PRKN: variants seen among roughly 807,000 people sequenced by gnomAD.
PRKN encodes the protein E3 ubiquitin-protein ligase parkin.
In PRKN, 56 loss-of-function variants were observed where a neutral mutation model predicts 59.5. The observed-to-expected ratio is 0.94, with a 90% confidence interval of 0.76 to 1.18. The LOEUF is 1.18. Among genes scored for constraint, PRKN ranks in the 50% most tolerant of loss-of-function variants. The probability of loss-of-function intolerance (pLI) is 0.00; values close to 1 mark genes in which losing one functional copy is unlikely to be tolerated. For synonymous variants in PRKN, 250 were observed against 222.1 expected, an observed-to-expected ratio of 1.13 and a Z score of -1.12; for missense variants, 657 against 596.4, an observed-to-expected ratio of 1.10 and a Z score of -1.06.
chr6:162,042,730 T>C (rs1258252338), intron 5 of PRKN, among the ~76,000 whole-genome samples: 1 of 152,226 alleles, frequency 6.6e-6, no homozygotes, highest in Non-Finnish European at 1.5e-5. Context: ...TTCTCTAAAG[T>C]GTCTTCATAT....
chr6:162,058,764 C>A (rs1777970069), intron 4 of PRKN, among the ~76,000 whole-genome samples: 1 of 151,890 alleles, frequency 6.6e-6, no homozygotes, highest in Non-Finnish European at 1.5e-5. Context: ...ACCACCCTGG[C>A]CAACATGGTG....
chr6:161,742,714 A>G (rs563980840), intron 7 of PRKN, among the ~76,000 whole-genome samples: 14 of 152,296 alleles, frequency 9.2e-5, no homozygotes, highest in African/African-American at 3.1e-4. Context: ...GTTTTTATGG[A>G]GCCTCTCTAA....
At chr6:161,949,947 A>G (rs1046838677) in intron 6 of PRKN, among the ~76,000 whole-genome samples, 2 of 152,210 alleles carry the variant, frequency 1.3e-5, no homozygotes, top group Admixed American at 6.5e-5. Context: ...ACTCTTTGCA[A>G]AGCATCTCCT....
intron 4 of PRKN, among the ~76,000 whole-genome samples, chr6:162,097,693 C>T (rs1369041793): frequency 6.6e-6 from 1 of 152,116 alleles, no homozygotes; most frequent in South Asian, 2.1e-4. Flanking sequence ...GCACACAGCC[C>T]CCAAAGCATC....
At chr6:161,757,006 A>C (rs1016137945) in intron 7 of PRKN, among the ~76,000 whole-genome samples, 10 of 152,218 alleles carry the variant, frequency 6.6e-5, no homozygotes, top group Non-Finnish European at 1.5e-4. Context: ...TACTCTCTTC[A>C]GTGGATGCTG....
intron 1 of PRKN, among the ~76,000 whole-genome samples, chr6:162,710,852 C>G (rs1179124937): frequency 6.6e-6 from 1 of 152,160 alleles, no homozygotes; most frequent in Non-Finnish European, 1.5e-5. Flanking sequence ...AGGTGAATCT[C>G]CCTAAAGAGG....
intron 1 of PRKN, among the ~76,000 whole-genome samples, chr6:162,486,467 C>T (rs1275285402): frequency 6.6e-6 from 1 of 152,134 alleles, no homozygotes. Context: ...GGGGCCATTC[C>T]AGTTGTCTCT....
rs183150885 is a variant in PRKN, at chr6:162,482,650, G to A, written c.8-39177C>T. Among the ~76,000 whole-genome samples, 11 of 152,172 alleles carry A rather than the reference G, an allele frequency of 7.2e-5. No homozygotes were observed. In the South Asian group the frequency reaches 1.0e-3, roughly 14 times the overall value. On this transcript the variant is annotated intron_variant, in intron 1 of 11. Coordinates refer to ENST00000366898, the MANE Select transcript of PRKN (RefSeq NM_004562.3). ...TTAAAGCCTTCATATTAAAAACAAC[G>A]AAAGAAAAATACATGAACCAAGTAT...
At chr6:162,063,411 G>T (rs972783950) in intron 4 of PRKN, among the ~76,000 whole-genome samples, 1 of 152,078 alleles carries the variant, frequency 6.6e-6, no homozygotes, top group Non-Finnish European at 1.5e-5. Flanking sequence ...AAAATCACAA[G>T]ATACAATTTC....
chr6:162,514,886 A>G (rs1339390163), intron 1 of PRKN, among the ~76,000 whole-genome samples: 1 of 152,228 alleles, frequency 6.6e-6, no homozygotes, highest in Non-Finnish European at 1.5e-5. Context: ...TTCATGTAGT[A>G]TAAGTGGTTA....
rs902905855 is a variant in PRKN at position 161,588,156 on chromosome 6, C to T, written c.872-18740G>A. Among the ~76,000 whole-genome samples the T allele has an allele frequency of 4.6e-5, 7 of 152,008 alleles. No individual in the cohort carries two copies. Among genetic ancestry groups the T allele is most frequent in the African/African-American group, 1.2e-4 (5 of 41,384 alleles). On this transcript the variant is annotated intron_variant, in intron 7 of 11. Coordinates refer to ENST00000366898, the MANE Select transcript of PRKN (RefSeq NM_004562.3). This position sits in a 1 kb window ranked among gnomAD's most constrained non-coding sequence, Gnocchi z 5.0. Reference sequence around the variant, plus strand: ...ATCCCAGCACTTTGGGAGGCCGAGTCGGGTGGATCACAAGGTCAGGAGTTC... The same window carrying T: ...ATCCCAGCACTTTGGGAGGCCGAGTTGGGTGGATCACAAGGTCAGGAGTTC...
intron 4 of PRKN, among the ~76,000 whole-genome samples, chr6:162,089,510 C>T (rs1179403767): frequency 3.3e-5 from 5 of 152,102 alleles, no homozygotes; most frequent in African/African-American, 9.7e-5. Context: ...AATAGTGTTA[C>T]CATATCTCCA....
chr6:162,105,889 A>T (rs1780173230), intron 4 of PRKN, among the ~76,000 whole-genome samples: 1 of 152,236 alleles, frequency 6.6e-6, no homozygotes, highest in Admixed American at 6.5e-5. Flanking sequence ...TTGGAACATT[A>T]TTAATGATTA....
intron 1 of PRKN, among the ~76,000 whole-genome samples, chr6:162,678,782 G>A (rs550718022): frequency 1.3e-5 from 2 of 152,030 alleles, no homozygotes; most frequent in Non-Finnish European, 2.9e-5. Context: ...TTTTTTACTC[G>A]TTTGTTTTTT....
At chr6:162,020,589 C>CAAAAAAGT (rs1293498888) in intron 5 of PRKN, among the ~76,000 whole-genome samples, 1 of 151,866 alleles carries the variant, frequency 6.6e-6, no homozygotes, top group African/African-American at 2.4e-5. Flanking sequence ...TGTAGGTAAA[C>CAAAAAAGT]AAAAAAGTTC....
chr6:161,988,954 T>TA (rs1164196095), intron 5 of PRKN, among the ~76,000 whole-genome samples: 1 of 152,258 alleles, frequency 6.6e-6, no homozygotes, highest in Non-Finnish European at 1.5e-5. Flanking sequence ...ATCTTTTTTT[T>TA]ATACTTTAAG....
intron 1 of PRKN, among the ~76,000 whole-genome samples, chr6:162,720,544 G>A (rs1778904046): frequency 1.4e-5 from 2 of 143,656 alleles, no homozygotes; most frequent in South Asian, 2.2e-4. Context: ...TCCGCTTCCC[G>A]GGTTCACGCC....
At chr6:162,083,552 G>GTACTCTTTGTA (rs1779143584) in intron 4 of PRKN, among the ~76,000 whole-genome samples, 1 of 151,982 alleles carries the variant, frequency 6.6e-6, no homozygotes, top group Non-Finnish European at 1.5e-5. Context: ...CATGAATAAT[G>GTACTCTTTGTA]CTTTTTATTG....
At chr6:161,919,181 A>C (rs1291882510) in intron 6 of PRKN, among the ~76,000 whole-genome samples, 1 of 152,216 alleles carries the variant, frequency 6.6e-6, no homozygotes, top group African/African-American at 2.4e-5. Flanking sequence ...AGTTTTGCTC[A>C]TCAAGAAGAG....
Sources: allele counts gnomAD v4.1 joint callset (sites outside exome capture counted in the v4.1 genomes callset), GRCh38; gene constraint gnomAD v4.1.1; non-coding constraint Gnocchi (gnomAD v3.1); transcripts MANE v1.5; gene names NCBI Gene and HGNC (gene_info 2026-07-23, HGNC 2026-07-21).